Variants in NEK9 observed in about 807,000 individuals in gnomAD.
The protein encoded by NEK9 is NIMA related kinase 9.
In NEK9, 75 loss-of-function variants were observed where a neutral mutation model predicts 123.4. That is an observed-to-expected ratio of 0.61 (90% CI 0.50 to 0.74). The LOEUF (loss-of-function observed/expected upper bound fraction) is 0.74, where lower values mean the gene tolerates loss of function less well. Among genes scored for constraint, NEK9 ranks in the 30% least tolerant of loss-of-function variants. The pLI is 0.00. For missense variants in NEK9, 952 were observed against 1,214.4 expected, an observed-to-expected ratio of 0.78 and a Z score of 3.21; for synonymous variants, 438 against 458.7, an observed-to-expected ratio of 0.95 and a Z score of 0.58.
intron 6 of NEK9, among the ~76,000 whole-genome samples, chr14:75,115,010 C>T (rs175462): frequency 0.98 from 148,323 of 151,456 alleles, 72,677 homozygotes; most frequent in East Asian, 1. Flanking sequence ...CATACATATA[C>T]ACACACATAT....
chr14:75,096,962 G>T, intron 17 of NEK9, 138 bp downstream of exon 17: 2 of 610,362 alleles, frequency 3.3e-6, no homozygotes, highest in Non-Finnish European at 5.2e-6. Flanking sequence ...ACTAGGCATG[G>T]CATCCTTGAC....
At chr14:75,092,318 G>C (rs1213684600) in intron 18 of NEK9, among the ~76,000 whole-genome samples, 1 of 146,284 alleles carries the variant, frequency 6.8e-6, no homozygotes, top group Non-Finnish European at 1.5e-5. Flanking sequence ...CCAGGCTAGA[G>C]TGCAGTGGCA....
chr14:75,081,155 A>G lies in NEK9; in HGVS notation c.*3409T>C, dbSNP rs1379170477. 6.6e-6 allele frequency: 1 copy of G among 150,668 alleles called. No homozygotes were observed. Among genetic ancestry groups the G allele is most frequent in the African/African-American group, 2.4e-5 (1 of 40,882 alleles). The allele number at this position is 150,668 out of a possible 1,614,324, so 9.3% of individuals were successfully genotyped here. ...GAGACGGGATTTCACTGTGTTAGCC[A>G]GGATGGTCTCGATCTCCTGACCTCG... On this transcript the variant is annotated 3_prime_UTR_variant, in exon 22 of 22. Coordinates refer to ENST00000238616, the MANE Select transcript of NEK9 (RefSeq NM_033116.6). This position sits in a 1 kb window ranked among gnomAD's most constrained non-coding sequence, Gnocchi z 4.2.
chr14:75,116,512 C>A, intron 6 of NEK9: 1 of 362,042 alleles, frequency 2.8e-6, no homozygotes. Flanking sequence ...GAAAGTGATG[C>A]AGTAGCTGCA....
In NEK9 at chr14:75,119,065, C is replaced by G. The variant is rs1309849472; in HGVS notation, c.525-130G>C. On this transcript the variant is annotated intron_variant, in intron 4 of 21. Coordinates refer to ENST00000238616, the MANE Select transcript of NEK9 (RefSeq NM_033116.6). The stretch of plus-strand genomic sequence containing the variant: ...GTACAGTGGCTCACATCTGTAATCT[C>G]AGCACTTTGGGAGGGCAAGGCAGGA... 8.0e-6 allele frequency: 5 copies of G among 621,384 alleles called. No individual in the cohort carries two copies. In the East Asian group the frequency reaches 1.4e-4, roughly 17 times the overall value. 38.5% of individuals were successfully genotyped at this position (621,384 alleles called of 1,614,324 possible). A position where few individuals can be genotyped will look rare whatever the true frequency, so the allele number is the denominator to read the frequency against.
At position 75,081,466 on chromosome 14, in the gene NEK9, T is replaced by A. The variant is rs1450440076; in HGVS notation, c.*3098A>T. On this transcript the variant is annotated 3_prime_UTR_variant, in exon 22 of 22. Coordinates refer to ENST00000238616, the MANE Select transcript of NEK9 (RefSeq NM_033116.6). This position sits in a 1 kb window ranked among gnomAD's most constrained non-coding sequence, Gnocchi z 4.2. ...TTGAAACAATAAATGATTTTTGGCT[T>A]TGCAGCAGTTAGGAACATGTTTTAT... The A allele has an allele frequency of 6.6e-6, 1 of 152,230 alleles. No homozygotes were observed. Among genetic ancestry groups the A allele is most frequent in the African/African-American group, 2.4e-5 (1 of 41,454 alleles). 9.4% of individuals were successfully genotyped at this position (152,230 alleles called of 1,614,324 possible). A position where few individuals can be genotyped will look rare whatever the true frequency, so the allele number is the denominator to read the frequency against.
rs1035966548 is a variant in NEK9, at chr14:75,119,009, T to C, written c.525-74A>G. The C allele has an allele frequency of 1.4e-5, 12 of 856,592 alleles. No homozygotes were observed. In the African/African-American group the frequency reaches 1.7e-4, roughly 12 times the overall value. 53.1% of individuals were successfully genotyped at this position (856,592 alleles called of 1,614,324 possible). On this transcript the variant is annotated intron_variant, in intron 4 of 21. Transcript: ENST00000238616. Reference sequence around the variant, plus strand: ...ATTTCATCCCCCGCCTTGCCCAGGATTATTACAGAATAAAAATGAGTGTGG... The same window carrying C: ...ATTTCATCCCCCGCCTTGCCCAGGACTATTACAGAATAAAAATGAGTGTGG...
chr14:75,126,862 G>A lies in NEK9; in HGVS notation c.60C>T (p.Ser20=). 1 of 1,528,808 alleles carries A rather than the reference G, an allele frequency of 6.5e-7. No individual in the cohort carries two copies. Among genetic ancestry groups the A allele is most frequent in the Non-Finnish European group, 8.8e-7 (1 of 1,138,070 alleles). The allele number at this position is 1,528,808 out of a possible 1,614,324, so 94.7% of individuals were successfully genotyped here. A position where few individuals can be genotyped will look rare whatever the true frequency, so the allele number is the denominator to read the frequency against. The change falls in exon 1 of 22, where the codon AGC becomes AGT. Residue 20 remains serine (S), a synonymous_variant. Coordinates refer to ENST00000238616, the MANE Select transcript of NEK9 (RefSeq NM_033116.6). Reference sequence around the variant, plus strand: ...TCGAGTCCCCGCAACCCCCGGACTCGCTCCCAAAGTCCGAGTTGATGGAAT... The same window carrying A: ...TCGAGTCCCCGCAACCCCCGGACTCACTCCCAAAGTCCGAGTTGATGGAAT... ...HCDSINSDFG[S]ESGGCGDSSP...
Position 75,101,034 on chromosome 14 carries a change from TG to T in NEK9, c.1959del (p.Arg654GlyfsTer31), listed in dbSNP as rs1016628285. 2.2e-5 allele frequency: 35 copies of T among 1,614,122 alleles called. No individual in the cohort carries two copies. The highest frequency in any genetic ancestry group is 3.0e-5 in the Non-Finnish European group (35 of 1,180,040). Reference protein sequence around the residue: ...LGGPLGGKQVIRVSCGDEFTI... With the variant: ...LGGPLGGKQVXRVSCGDEFTI... ...GTAAACTCATCACCGCAGGAGACCCTGATCACTTGCTTCCCACCAAGGGGTC... is the reference window on the plus strand; with the variant it reads ...GTAAACTCATCACCGCAGGAGACCCTATCACTTGCTTCCCACCAAGGGGTC... On this transcript the variant is annotated frameshift_variant, in exon 16 of 22. Transcript: ENST00000238616. LOFTEE classifies it high-confidence loss of function.
chr14:75,091,509 C>T, intron 18 of NEK9, 31 bp from the exon 19 acceptor site: 1 of 1,493,876 alleles, frequency 6.7e-7, no homozygotes, highest in Non-Finnish European at 8.9e-7. Flanking sequence ...AAATAGACAG[C>T]TTTGCTATGC....
intron 15 of NEK9, 126 bp downstream of exon 15, chr14:75,101,531 T>C (rs1894579288): frequency 5.1e-6 from 3 of 590,542 alleles, no homozygotes; most frequent in Non-Finnish European, 6.0e-6. Context: ...CCTGAATACA[T>C]TAATGAAATA....
intron 3 of NEK9, 62 bp downstream of exon 3, chr14:75,121,057 A>G (rs2139806236): frequency 7.7e-7 from 1 of 1,301,922 alleles, no homozygotes; most frequent in Admixed American, 1.7e-5. Flanking sequence ...GTAAATACAG[A>G]ACTAGAATGC....
intron 2 of NEK9, among the ~76,000 whole-genome samples, chr14:75,123,769 A>G (rs572479037): frequency 6.6e-6 from 1 of 152,330 alleles, no homozygotes; most frequent in African/African-American, 2.4e-5. Flanking sequence ...ATAAAGAAAA[A>G]CCTTGAAAAA....
intron 12 of NEK9, chr14:75,106,269 G>T: frequency 1.8e-6 from 1 of 547,660 alleles, no homozygotes; most frequent in South Asian, 2.1e-5. Flanking sequence ...TGAGGCAGGA[G>T]AATCACTCGA....
intron 1 of NEK9, among the ~76,000 whole-genome samples, chr14:75,124,545 AT>A (rs571292051): frequency 0.013 from 1,936 of 152,290 alleles, 24 homozygotes; most frequent in South Asian, 0.028. Context: ...CATGATGGTG[AT>A]TATGGCAGGG....
chr14:75,125,667 C>T (rs1895498522), intron 1 of NEK9, among the ~76,000 whole-genome samples: 1 of 152,206 alleles, frequency 6.6e-6, no homozygotes, highest in African/African-American at 2.4e-5. Flanking sequence ...GAATAACTAA[C>T]TCTAACATCA....
chr14:75,103,741 A>C, intron 14 of NEK9, 101 bp downstream of exon 14: 2 of 1,310,026 alleles, frequency 1.5e-6, no homozygotes, highest in East Asian at 4.7e-5. Flanking sequence ...ACCATAACTA[A>C]AGTCAAATTC....
rs758891349 is a variant in NEK9 at position 75,106,008 on chromosome 14, A to G, written c.1529-12T>C. On this transcript the variant is annotated splice_polypyrimidine_tract_variant and intron_variant, in intron 12 of 21. Coordinates refer to ENST00000238616, the MANE Select transcript of NEK9 (RefSeq NM_033116.6). ...CAAACCCAGTCGTCCTGAAACACAC[A>G]TAAGAATGAAAATCATTATAATGAG... 167 of 1,610,246 alleles carry G rather than the reference A, an allele frequency of 1.0e-4. No homozygotes were observed. The highest frequency in any genetic ancestry group is 1.3e-4 in the Non-Finnish European group (156 of 1,176,538).
At chr14:75,091,813 G>T in intron 18 of NEK9, 1 of 203,110 alleles carries the variant, frequency 4.9e-6, no homozygotes, top group Non-Finnish European at 9.8e-6. Flanking sequence ...TAGCACCCAT[G>T]CTTACTCTGC....
Sources: allele counts gnomAD v4.1 joint callset (sites outside exome capture counted in the v4.1 genomes callset), GRCh38; gene constraint gnomAD v4.1.1; non-coding constraint Gnocchi (gnomAD v3.1); transcripts MANE v1.5; gene names NCBI Gene and HGNC (gene_info 2026-07-23, HGNC 2026-07-21).